PDZRN4: variants seen among roughly 807,000 people sequenced by gnomAD.
The protein encoded by PDZRN4 is PDZ domain containing ring finger 4, also known as PDZ domain-containing RING finger protein 4.
A neutral mutation model predicts 99.0 loss-of-function variants in PDZRN4; 70 were observed. The observed-to-expected ratio is 0.71, with a 90% CI of 0.58 to 0.86. The LOEUF (loss-of-function observed/expected upper bound fraction) is 0.86, where lower values mean the gene tolerates loss of function less well. Among genes scored for constraint, PDZRN4 ranks in the 40% least tolerant of loss-of-function variants. The pLI is 0.00. For missense variants in PDZRN4, 1,474 were observed against 1,331.2 expected (o/e 1.11, Z -1.67); for synonymous variants, 551 against 501.6 (o/e 1.10, Z -1.32).
At chr12:41,222,535 T>C (rs1382760876) in intron 3 of PDZRN4, among the ~76,000 whole-genome samples, 2 of 152,202 alleles carry the variant, frequency 1.3e-5, no homozygotes, top group African/African-American at 4.8e-5. Context: ...TATTTTTTTA[T>C]TGAGATGGAG....
chr12:41,423,148 AC>A (rs561502742), intron 3 of PDZRN4, among the ~76,000 whole-genome samples: 3 of 151,212 alleles, frequency 2.0e-5, no homozygotes, highest in Non-Finnish European at 4.4e-5. Flanking sequence ...ATTTGCTGAA[AC>A]TTTTTTTTTA....
chr12:41,234,357 G>C (rs1245028666), intron 3 of PDZRN4, among the ~76,000 whole-genome samples: 2 of 152,072 alleles, frequency 1.3e-5, no homozygotes, highest in African/African-American at 2.4e-5. Flanking sequence ...GGTCAGAAAA[G>C]TTATCTTAGA....
chr12:41,357,754 C>G (rs10785251), intron 3 of PDZRN4, among the ~76,000 whole-genome samples: 135,749 of 151,998 alleles, frequency 0.89, 60,856 homozygotes, highest in Middle Eastern at 0.96. Flanking sequence ...TGTTAGCCTT[C>G]GCTGGCTGTT....
intron 3 of PDZRN4, among the ~76,000 whole-genome samples, chr12:41,301,679 A>G (rs1462384435): frequency 6.6e-6 from 1 of 152,052 alleles, no homozygotes; most frequent in East Asian, 1.9e-4. Flanking sequence ...TGCTTTCCAA[A>G]CAACTTTTTT....
chr12:41,431,798 G>T (rs1357726311), intron 3 of PDZRN4, among the ~76,000 whole-genome samples: 1 of 152,210 alleles, frequency 6.6e-6, no homozygotes, highest in African/African-American at 2.4e-5. Context: ...AGGAAAGGAT[G>T]CTTGCTTACA....
intron 3 of PDZRN4, among the ~76,000 whole-genome samples, chr12:41,335,858 T>C (rs1486054841): frequency 3.3e-5 from 5 of 152,158 alleles, no homozygotes; most frequent in African/African-American, 1.2e-4. Flanking sequence ...TTTTGTGTCA[T>C]ATTTTATGCT....
intron 3 of PDZRN4, among the ~76,000 whole-genome samples, chr12:41,320,821 GAATA>G (rs1796728550): frequency 6.6e-6 from 1 of 151,956 alleles, no homozygotes; most frequent in African/African-American, 2.4e-5. Flanking sequence ...AAGTTAATTA[GAATA>G]AATAATCTTA....
At chr12:41,270,513 A>T (rs995283149) in intron 3 of PDZRN4, among the ~76,000 whole-genome samples, 3 of 152,108 alleles carry the variant, frequency 2.0e-5, no homozygotes, top group African/African-American at 7.2e-5. Context: ...TTATTTCTTT[A>T]AAAAAATCAT....
At chr12:41,443,655 A>G (rs1353373408) in intron 3 of PDZRN4, among the ~76,000 whole-genome samples, 3 of 152,130 alleles carry the variant, frequency 2.0e-5, no homozygotes, top group African/African-American at 7.2e-5. Flanking sequence ...TGAAAAGCCT[A>G]AGTTAGTGGT....
chr12:41,555,895 A>C, intron 7 of PDZRN4, 135 bp downstream of exon 7: 2 of 694,090 alleles, frequency 2.9e-6, no homozygotes, highest in Non-Finnish European at 5.0e-6. Context: ...CCAAAAAAAA[A>C]AAGTGCTGTC....
At chr12:41,545,509 A>ATGTGTGTGTG (rs61040270) in intron 5 of PDZRN4, among the ~76,000 whole-genome samples, 27 of 143,098 alleles carry the variant, frequency 1.9e-4, no homozygotes, top group Admixed American at 9.9e-4. Context: ...GATGATATTA[A>ATGTGTGTGTG]TGTGTGTGTG....
chr12:41,248,185 G>A (rs975202676), intron 3 of PDZRN4, among the ~76,000 whole-genome samples: 3 of 152,204 alleles, frequency 2.0e-5, no homozygotes, highest in African/African-American at 7.2e-5. Context: ...AATAGTGTGT[G>A]AAAATTATGG....
chr12:41,409,497 T>G (rs1952376724), intron 3 of PDZRN4: 1 of 152,244 alleles, frequency 6.6e-6, no homozygotes, highest in Non-Finnish European at 1.5e-5. Flanking sequence ...TCCTTTACTA[T>G]AGAACTTACT....
intron 3 of PDZRN4, among the ~76,000 whole-genome samples, chr12:41,319,303 T>TAATGATG (rs1255759344): frequency 6.6e-6 from 1 of 152,140 alleles, no homozygotes; most frequent in African/African-American, 2.4e-5. Context: ...GTAGTGGCTG[T>TAATGATG]AATGATGAAT....
intron 3 of PDZRN4, among the ~76,000 whole-genome samples, chr12:41,356,398 A>C (rs10880060): frequency 0.87 from 131,200 of 151,644 alleles, 57,462 homozygotes; most frequent in Middle Eastern, 0.95. Flanking sequence ...TAAAAAATAA[A>C]AATAACAATG....
At chr12:41,514,224 A>G (rs762373581) in intron 5 of PDZRN4, among the ~76,000 whole-genome samples, 22 of 152,056 alleles carry the variant, frequency 1.4e-4, no homozygotes, top group Non-Finnish European at 2.4e-4. Context: ...AGCACTTAGC[A>G]TATTAATTAG....
chr12:41,350,684 C>A (rs940851870), intron 3 of PDZRN4, among the ~76,000 whole-genome samples: 1 of 152,032 alleles, frequency 6.6e-6, no homozygotes, highest in African/African-American at 2.4e-5. Flanking sequence ...GCAAGTCATG[C>A]AGGAAACAAT....
intron 3 of PDZRN4, among the ~76,000 whole-genome samples, chr12:41,230,828 T>C (rs944829710): frequency 6.6e-6 from 1 of 152,142 alleles, no homozygotes; most frequent in Admixed American, 6.6e-5. Flanking sequence ...TTATTTGTAA[T>C]AGTCACATGC....
At chr12:41,393,358 G>T (rs1479098048) in intron 3 of PDZRN4, among the ~76,000 whole-genome samples, 2 of 152,124 alleles carry the variant, frequency 1.3e-5, no homozygotes, top group African/African-American at 4.8e-5. Context: ...GTGGCTGTGT[G>T]TAGCTGCTGT....
Sources: gnomAD v4.1 joint callset for allele counts (sites outside exome capture counted in the v4.1 genomes callset) on GRCh38, gnomAD v4.1.1 for gene constraint, MANE v1.5 for transcripts, NCBI Gene and HGNC (gene_info 2026-07-23, HGNC 2026-07-21) for gene names.